The following KAT2B variants were observed in gnomAD, a reference collection of about 807,000 sequenced individuals.
The protein encoded by KAT2B is lysine acetyltransferase 2B, also known as histone acetyltransferase KAT2B.
In KAT2B, 36 loss-of-function variants were observed where a neutral mutation model predicts 105.9. The observed-to-expected ratio is 0.34, with a 90% confidence interval of 0.26 to 0.45. The LOEUF (loss-of-function observed/expected upper bound fraction) is 0.45, where lower values mean the gene tolerates loss of function less well. Ranked by LOEUF, KAT2B falls within the 20% of genes least tolerant of loss-of-function variation. The pLI, the probability that KAT2B is intolerant of heterozygous loss-of-function variation, is 1.00. For synonymous variants in KAT2B, 397 were observed against 377.9 expected (o/e 1.05, Z -0.59); for missense variants, 820 against 1,021.6 (o/e 0.80, Z 2.69).
At chr3:20,070,466 G>T (rs1296326225) in intron 1 of KAT2B, among the ~76,000 whole-genome samples, 1 of 150,896 alleles carries the variant, frequency 6.6e-6, no homozygotes, top group Non-Finnish European at 1.5e-5. Flanking sequence ...CACCACGCCC[G>T]GCTAATTTTT....
intron 1 of KAT2B, among the ~76,000 whole-genome samples, chr3:20,045,061 C>G (rs943011764): frequency 2.0e-5 from 3 of 152,058 alleles, no homozygotes; most frequent in African/African-American, 7.2e-5. Flanking sequence ...GTCACCCTGG[C>G]AGGAGTACAG....
chr3:20,109,283 C>CAGATAGATAGAT lies in KAT2B; in HGVS notation c.852-2282_852-2271dup, dbSNP rs111929078. On this transcript the variant is annotated intron_variant, in intron 5 of 17. Coordinates refer to ENST00000263754, the MANE Select transcript of KAT2B (RefSeq NM_003884.5). ...ATTTGATCTGACTTCCCCTCAGCCC[C>CAGATAGATAGAT]AGATAGATAGATAGATAGATAGATA... Among the ~76,000 whole-genome samples the CAGATAGATAGAT allele has an allele frequency of 4.8e-3, 724 of 149,350 alleles. 1 individual carries two copies. Among genetic ancestry groups the CAGATAGATAGAT allele is most frequent in the Non-Finnish European group, 7.9e-3 (536 of 67,440 alleles).
At chr3:20,079,325 C>T (rs1442715411) in intron 2 of KAT2B, among the ~76,000 whole-genome samples, 1 of 151,488 alleles carries the variant, frequency 6.6e-6, no homozygotes, top group Non-Finnish European at 1.5e-5. Context: ...CTGCTTCAGC[C>T]TCCCAAGTAG....
chr3:20,143,381 A>T (rs1173476997), intron 13 of KAT2B, among the ~76,000 whole-genome samples: 4 of 152,172 alleles, frequency 2.6e-5, no homozygotes, highest in Admixed American at 2.6e-4. Context: ...TTAAAAAAAT[A>T]ACAGATGTTG....
At chr3:20,053,739 C>G (rs1420213966) in intron 1 of KAT2B, among the ~76,000 whole-genome samples, 1 of 152,138 alleles carries the variant, frequency 6.6e-6, no homozygotes, top group Non-Finnish European at 1.5e-5. Context: ...ACTTTAAAGT[C>G]TACAATAGAC....
intron 2 of KAT2B, among the ~76,000 whole-genome samples, chr3:20,092,912 G>A (rs1698748430): frequency 6.6e-6 from 1 of 151,846 alleles, no homozygotes; most frequent in Admixed American, 6.6e-5. Flanking sequence ...ATATTGGACA[G>A]GCTGGTCTCG....
chr3:20,150,690 T>C (rs1469467007), intron 17 of KAT2B, among the ~76,000 whole-genome samples: 1 of 152,244 alleles, frequency 6.6e-6, no homozygotes, highest in African/African-American at 2.4e-5. Flanking sequence ...TCTATAGCTT[T>C]AGAATAGAAA....
intron 11 of KAT2B, 148 bp from the exon 12 acceptor site, chr3:20,136,794 G>A: frequency 2.4e-6 from 1 of 415,738 alleles, no homozygotes; most frequent in East Asian, 3.5e-5. Flanking sequence ...CGCAAGAAAG[G>A]GTGTTAATAT....
In KAT2B at chr3:20,094,994, A is replaced by T. The variant is rs576164567; in HGVS notation, c.431-269A>T. Among the ~76,000 whole-genome samples the T allele has an allele frequency of 1.6e-4, 24 of 152,340 alleles. No homozygotes were observed. The South Asian group carries it at 5.0e-3, about 32-fold the overall frequency. On this transcript the variant is annotated intron_variant, in intron 2 of 17. Transcript: ENST00000263754. ...CTTGATGCTACCAGTACTGATTCTT[A>T]AAATATACATTATTTGCATACATTA...
At chr3:20,044,042 C>T (rs919067516) in intron 1 of KAT2B, among the ~76,000 whole-genome samples, 5 of 148,292 alleles carry the variant, frequency 3.4e-5, no homozygotes, top group African/African-American at 5.0e-5. Flanking sequence ...GCCAGGGTGA[C>T]GTGCCACACC....
chr3:20,113,469 G>T (rs1342127947), intron 6 of KAT2B, among the ~76,000 whole-genome samples: 1 of 152,088 alleles, frequency 6.6e-6, no homozygotes, highest in Non-Finnish European at 1.5e-5. Context: ...AGTGTGTTTT[G>T]TTCCCTCAGC....
At chr3:20,140,823 T>C (rs1314771801) in intron 13 of KAT2B, among the ~76,000 whole-genome samples, 1 of 152,114 alleles carries the variant, frequency 6.6e-6, no homozygotes, top group Non-Finnish European at 1.5e-5. Flanking sequence ...CTTGATCTGT[T>C]TCCTTTCTCG....
intron 1 of KAT2B, among the ~76,000 whole-genome samples, chr3:20,063,376 A>G (rs907837550): frequency 6.7e-6 from 1 of 149,076 alleles, no homozygotes; most frequent in Non-Finnish European, 1.5e-5. Flanking sequence ...CCAAGACACC[A>G]TTGCCTGATC....
At chr3:20,075,412 A>G (rs4858753) in intron 2 of KAT2B, among the ~76,000 whole-genome samples, 62,544 of 151,478 alleles carry the variant, frequency 0.41, 13,212 homozygotes, top group South Asian at 0.5. Context: ...TGGAGGTCCC[A>G]TAATTCATTT....
At chr3:20,095,473 C>A in intron 3 of KAT2B, 65 bp downstream of exon 3, 1 of 1,136,706 alleles carries the variant, frequency 8.8e-7, no homozygotes, top group Non-Finnish European at 1.3e-6. Context: ...CTCCATATGC[C>A]AGGTCGTGGC....
At chr3:20,092,620 G>A (rs946976479) in intron 2 of KAT2B, among the ~76,000 whole-genome samples, 51 of 151,958 alleles carry the variant, frequency 3.4e-4, no homozygotes, top group African/African-American at 1.1e-3. Flanking sequence ...AGGTACATGT[G>A]TATTTACAGT....
chr3:20,109,153 A>G (rs558404561), intron 5 of KAT2B, among the ~76,000 whole-genome samples: 2 of 152,312 alleles, frequency 1.3e-5, no homozygotes, highest in African/African-American at 4.8e-5. Flanking sequence ...AGACATGACC[A>G]TATTAATTCT....
chr3:20,083,146 G>A (rs1357848549), intron 2 of KAT2B, among the ~76,000 whole-genome samples: 1 of 152,174 alleles, frequency 6.6e-6, no homozygotes, highest in Non-Finnish European at 1.5e-5. Context: ...ATTAGGGAGC[G>A]ATACATCAAA....
intron 2 of KAT2B, among the ~76,000 whole-genome samples, chr3:20,086,205 C>T (rs1252716662): frequency 2.0e-5 from 3 of 152,030 alleles, no homozygotes; most frequent in Non-Finnish European, 4.4e-5. Context: ...CCAGAAAAGT[C>T]GAGGCTGCAG....
Sources: gnomAD v4.1 joint callset for allele counts (sites outside exome capture counted in the v4.1 genomes callset) on GRCh38, gnomAD v4.1.1 for gene constraint, MANE v1.5 for transcripts, NCBI Gene and HGNC (gene_info 2026-07-23, HGNC 2026-07-21) for gene names.